Variants in RGS6 observed in about 807,000 individuals in gnomAD.
RGS6 encodes regulator of G-protein signaling 6.
A neutral mutation model predicts 78.5 loss-of-function variants in RGS6; 30 were observed. The observed-to-expected ratio is 0.38, with a 90% CI of 0.29 to 0.52. RGS6 has a LOEUF of 0.52. RGS6 is among the 20% of genes least tolerant of loss of function. RGS6 has a pLI of 0.85. For missense variants in RGS6, 495 were observed against 609.7 expected, an observed-to-expected ratio of 0.81 and a Z score of 1.98; for synonymous variants, 206 against 206.0, an observed-to-expected ratio of 1.00 and a Z score of 0.00.
chr14:71,902,938 A>G, the RGS6 span, among the ~76,000 whole-genome samples: 2 of 152,230 alleles, frequency 1.3e-5, no homozygotes, highest in African/African-American at 4.8e-5. Flanking sequence ...CGGTTTCTAA[A>G]CCTGGGATCA....
intron 2 of RGS6, among the ~76,000 whole-genome samples, chr14:72,070,154 C>T (rs1025465943): frequency 9.2e-5 from 14 of 152,108 alleles, no homozygotes; most frequent in African/African-American, 3.4e-4. Context: ...CTCTCTGTCT[C>T]TCTCTGTGTG....
chr14:72,363,999 TAAAAAAAAAAAAA>T (rs55943058), intron 3 of RGS6, among the ~76,000 whole-genome samples: 1 of 46,756 alleles, frequency 2.1e-5, no homozygotes, highest in South Asian at 1.1e-3. Context: ...TGGACAAGGC[TAAAAAAAAAAAAA>T]AAAAAAAAAA....
chr14:72,244,017 G>A (rs991760508), intron 2 of RGS6, among the ~76,000 whole-genome samples: 1 of 152,122 alleles, frequency 6.6e-6, no homozygotes, highest in African/African-American at 2.4e-5. Flanking sequence ...ATAGAAGATA[G>A]AAACAGCAGT....
At chr14:72,554,256 G>GT (rs753320836) in intron 17 of RGS6, among the ~76,000 whole-genome samples, 9 of 152,368 alleles carry the variant, frequency 5.9e-5, no homozygotes, top group Non-Finnish European at 1.3e-4. Context: ...AAATGTACGT[G>GT]TTTTGGGTGA....
At chr14:72,340,939 A>G (rs1264921266) in intron 2 of RGS6, among the ~76,000 whole-genome samples, 2 of 152,164 alleles carry the variant, frequency 1.3e-5, no homozygotes, top group African/African-American at 4.8e-5. Context: ...GAGAATATGA[A>G]ATTGGTCCTA....
At chr14:72,358,324 G>A (rs11851397) in intron 3 of RGS6, among the ~76,000 whole-genome samples, 4,521 of 152,270 alleles carry the variant, frequency 0.03, 123 homozygotes, top group African/African-American at 0.069. Flanking sequence ...GAGGGCCACT[G>A]TCCTCCAGAC....
At chr14:72,078,054 G>T (rs1053604093) in intron 2 of RGS6, among the ~76,000 whole-genome samples, 2 of 152,144 alleles carry the variant, frequency 1.3e-5, no homozygotes, top group Non-Finnish European at 2.9e-5. Context: ...CAAATCTCAT[G>T]TCCGATCGTG....
intron 14 of RGS6, 38 bp downstream of exon 14, chr14:72,510,317 T>G (rs368582163): frequency 1.2e-5 from 20 of 1,613,308 alleles, no homozygotes; most frequent in Non-Finnish European, 1.6e-5. Flanking sequence ...GCGGAATGTG[T>G]GTGAAGAAAT....
At chr14:72,440,447 C>A (rs2095146052) in intron 3 of RGS6, among the ~76,000 whole-genome samples, 1 of 147,536 alleles carries the variant, frequency 6.8e-6, no homozygotes, top group Non-Finnish European at 1.5e-5. Flanking sequence ...TGGAGTCTCG[C>A]TCTGTTGCCC....
intron 2 of RGS6, among the ~76,000 whole-genome samples, chr14:72,216,847 T>C (rs1567496209): frequency 1.3e-5 from 2 of 152,114 alleles, no homozygotes; most frequent in Admixed American, 6.6e-5. Flanking sequence ...GGCGACAAGG[T>C]GACAGTTCTC....
chr14:72,623,837 T>C, the RGS6 span, among the ~76,000 whole-genome samples: 704 of 152,320 alleles, frequency 4.6e-3, 7 homozygotes, highest in African/African-American at 0.016. Context: ...CTAAAGACCA[T>C]TGCCCACTAA....
In RGS6 at chr14:72,474,975, A is replaced by G. The variant is rs191898627; in HGVS notation, c.693+276A>G. 2.7e-5 allele frequency among the ~76,000 whole-genome samples: 4 copies of G among 150,202 alleles called. No individual in the cohort carries two copies. The East Asian group carries it at 7.9e-4, about 30-fold the overall frequency. ...AATGCTGTGTTAGGAGAGGTACAGG[A>G]CAGTTGAGGAGCCCAGGAGGGGCAG... On this transcript the variant is annotated intron_variant, in intron 10 of 17. Transcript: ENST00000553525.
chr14:72,395,858 G>A (rs1451115865), intron 3 of RGS6, among the ~76,000 whole-genome samples: 1 of 152,060 alleles, frequency 6.6e-6, no homozygotes, highest in East Asian at 1.9e-4. Context: ...CAAAGGACAT[G>A]AACTCATCCT....
intron 2 of RGS6, among the ~76,000 whole-genome samples, chr14:72,325,834 A>C (rs2073596595): frequency 6.6e-6 from 1 of 152,122 alleles, no homozygotes; most frequent in African/African-American, 2.4e-5. Flanking sequence ...AGAGATGCTG[A>C]TTTAAAAAAA....
chr14:71,874,433 G>A, the RGS6 span, among the ~76,000 whole-genome samples: 8 of 151,980 alleles, frequency 5.3e-5, no homozygotes, highest in African/African-American at 1.9e-4. Context: ...TCATGATTTG[G>A]CTCTCTGTTT....
At chr14:72,087,493 C>T (rs2095094317) in intron 2 of RGS6, among the ~76,000 whole-genome samples, 2 of 152,044 alleles carry the variant, frequency 1.3e-5, no homozygotes, top group South Asian at 2.1e-4. Flanking sequence ...AGTAGTAAAA[C>T]ATGAATAAAC....
intron 2 of RGS6, among the ~76,000 whole-genome samples, chr14:72,091,431 C>T (rs1339821181): frequency 6.6e-6 from 1 of 152,120 alleles, no homozygotes; most frequent in African/African-American, 2.4e-5. Flanking sequence ...GATTACCCAG[C>T]CTCCCTAGAT....
chr14:72,245,919 G>A (rs2054110936), intron 2 of RGS6, among the ~76,000 whole-genome samples: 3 of 152,180 alleles, frequency 2.0e-5, no homozygotes, highest in Admixed American at 2.0e-4. Context: ...TGTGTCTTTG[G>A]AGAGAAAGAT....
At chr14:72,206,462 A>G (rs577353954) in intron 2 of RGS6, among the ~76,000 whole-genome samples, 8 of 152,280 alleles carry the variant, frequency 5.3e-5, no homozygotes, top group African/African-American at 1.9e-4. Context: ...GTGTGTATGC[A>G]CAATATTGTG....
Sources: gnomAD v4.1 joint callset for allele counts (sites outside exome capture counted in the v4.1 genomes callset) on GRCh38, gnomAD v4.1.1 for gene constraint, MANE v1.5 for transcripts, NCBI Gene and HGNC (gene_info 2026-07-23, HGNC 2026-07-21) for gene names.